The following CAMK2D variants were observed in gnomAD, a reference collection of about 807,000 sequenced individuals.
CAMK2D encodes calcium/calmodulin-dependent protein kinase type II subunit delta.
A neutral mutation model predicts 84.0 loss-of-function variants in CAMK2D; 37 were observed. The observed-to-expected ratio is 0.44, with a 90% CI of 0.34 to 0.58. CAMK2D has a LOEUF of 0.58. CAMK2D is among the 20% of genes least tolerant of loss of function. CAMK2D has a pLI of 0.02. For missense variants in CAMK2D, 448 were observed against 652.5 expected, an observed-to-expected ratio of 0.69 and a Z score of 3.41; for synonymous variants, 202 against 212.5, an observed-to-expected ratio of 0.95 and a Z score of 0.43.
At position 113,592,497 on chromosome 4, in the gene CAMK2D, G is replaced by A. The variant is rs181959830; in HGVS notation, c.275+16655C>T. Among the ~76,000 whole-genome samples the A allele has an allele frequency of 1.5e-3, 234 of 152,274 alleles. 2 individuals are homozygous for A. Among genetic ancestry groups the A allele is most frequent in the South Asian group, 0.015 (73 of 4,828 alleles). ...ACTTAAGAAGGCACCAATTTAATAAGCATCCATGATTTTACATTTAATTAA... is the reference window on the plus strand; with the variant it reads ...ACTTAAGAAGGCACCAATTTAATAAACATCCATGATTTTACATTTAATTAA... On this transcript the variant is annotated intron_variant, in intron 4 of 20. Coordinates refer to ENST00000511664, the MANE Select transcript of CAMK2D (RefSeq NM_001321571.2).
At chr4:113,735,661 CA>C (rs932535398) in intron 2 of CAMK2D, among the ~76,000 whole-genome samples, 1 of 151,942 alleles carries the variant, frequency 6.6e-6, no homozygotes, top group African/African-American at 2.4e-5. Context: ...AAATGATGTT[CA>C]AAAAATTAAA....
At chr4:113,563,546 C>T (rs908757938) in intron 4 of CAMK2D, among the ~76,000 whole-genome samples, 1 of 152,154 alleles carries the variant, frequency 6.6e-6, no homozygotes, top group Non-Finnish European at 1.5e-5. Context: ...TTGCTGGACC[C>T]TAAGAAGGAA....
intron 3 of CAMK2D, among the ~76,000 whole-genome samples, chr4:113,645,010 TTTTTTG>T (rs748944936): frequency 2.4e-4 from 36 of 152,080 alleles, no homozygotes; most frequent in Admixed American, 2.6e-4. Flanking sequence ...GTTGTTGTTG[TTTTTTG>T]TTTTTGTTTT....
At chr4:113,759,288 A>C (rs765719574) in intron 2 of CAMK2D, 32 bp downstream of exon 2, 7 of 1,354,782 alleles carry the variant, frequency 5.2e-6, no homozygotes, top group Admixed American at 3.4e-5. Flanking sequence ...CAAATACAAA[A>C]TTAACCAATA....
chr4:113,456,513 TCC>T (rs34225475), intron 19 of CAMK2D: 1 of 20,756 alleles, frequency 4.8e-5, no homozygotes. Flanking sequence ...GCTTGGACTA[TCC>T]ATCCTCCTTT....
chr4:113,634,856 G>A (rs898736943), intron 3 of CAMK2D, among the ~76,000 whole-genome samples: 10 of 152,106 alleles, frequency 6.6e-5, no homozygotes, highest in African/African-American at 2.4e-4. Context: ...AGAATACAGA[G>A]GTACCAAGGA....
chr4:113,753,958 A>C (rs946594315), intron 2 of CAMK2D: 1 of 979,056 alleles, frequency 1.0e-6, no homozygotes, highest in Non-Finnish European at 1.2e-6. Flanking sequence ...AATGCCATTC[A>C]TGTCTTCTAT....
chr4:113,721,948 C>T (rs2099531779), intron 2 of CAMK2D, among the ~76,000 whole-genome samples: 1 of 152,130 alleles, frequency 6.6e-6, no homozygotes, highest in Admixed American at 6.6e-5. Context: ...GCCTTTTCTC[C>T]CCACTGCCTT....
chr4:113,527,633 A>T (rs780180702), intron 8 of CAMK2D, among the ~76,000 whole-genome samples: 1 of 152,184 alleles, frequency 6.6e-6, no homozygotes, highest in Non-Finnish European at 1.5e-5. Context: ...GCACAGCCAG[A>T]GAAGAATCCC....
At chr4:113,704,893 G>T (rs1311501629) in intron 2 of CAMK2D, among the ~76,000 whole-genome samples, 1 of 151,570 alleles carries the variant, frequency 6.6e-6, no homozygotes, top group Non-Finnish European at 1.5e-5. Context: ...AATAAAGTAA[G>T]AATTGTCAAA....
At chr4:113,684,045 G>T (rs1007461160) in intron 2 of CAMK2D, among the ~76,000 whole-genome samples, 9 of 152,122 alleles carry the variant, frequency 5.9e-5, no homozygotes, top group African/African-American at 1.7e-4. Flanking sequence ...ATTGTTGAGA[G>T]ATTTATATAT....
intron 8 of CAMK2D, among the ~76,000 whole-genome samples, chr4:113,520,301 G>C (rs771682726): frequency 6.6e-6 from 1 of 151,970 alleles, no homozygotes; most frequent in Non-Finnish European, 1.5e-5. Flanking sequence ...TCAGCTACTC[G>C]GGAGGCTGAG....
Position 113,460,224 on chromosome 4 carries a change from C to G in CAMK2D, c.1229G>C (p.Gly410Ala). ...AGCTTCAGGTTCAAAAGCAGTAAGG[C>G]CTGGGTCACAGATTTTTCTGTAAAA... is the stretch of plus-strand genomic sequence containing the variant. ...FEAYTKICDPGLTAFEPEALG... is the reference protein window; with the variant it reads ...FEAYTKICDPALTAFEPEALG... Residue 410 changes from glycine to alanine, a missense_variant, in exon 18 of 21, where the codon GGC (glycine) becomes GCC (alanine). Gly to Ala is a moderately conservative substitution (Grantham distance 60). This residue lies in a region of CAMK2D where 219 missense variants were observed against 272.1 expected (regional missense o/e 0.80). Coordinates refer to ENST00000511664, the MANE Select transcript of CAMK2D (RefSeq NM_001321571.2). The G allele has an allele frequency of 6.3e-7, 1 of 1,595,430 alleles. No homozygotes were observed. Among genetic ancestry groups the G allele is most frequent in the South Asian group, 1.1e-5 (1 of 88,986 alleles).
intron 2 of CAMK2D, among the ~76,000 whole-genome samples, chr4:113,709,368 T>C (rs1175039617): frequency 1.3e-5 from 2 of 152,048 alleles, no homozygotes; most frequent in East Asian, 3.9e-4. Flanking sequence ...CACTGAATTA[T>C]ATCAGGACCA....
At chr4:113,544,948 C>T (rs2098556062) in intron 6 of CAMK2D, among the ~76,000 whole-genome samples, 1 of 152,132 alleles carries the variant, frequency 6.6e-6, no homozygotes, top group Admixed American at 6.5e-5. Context: ...CCTGTTGTAC[C>T]TCAGTCTTGA....
At position 113,462,921 on chromosome 4, in the gene CAMK2D, A is replaced by G. The variant is rs184478809; in HGVS notation, c.1211+2608T>C. Among the ~76,000 whole-genome samples, 41 of 152,308 alleles carry G rather than the reference A, an allele frequency of 2.7e-4. 1 individual carries two copies. Among genetic ancestry groups the G allele is most frequent in the African/African-American group, 9.9e-4 (41 of 41,578 alleles). On this transcript the variant is annotated intron_variant, in intron 17 of 20. Coordinates refer to ENST00000511664, the MANE Select transcript of CAMK2D (RefSeq NM_001321571.2). ...AATCATATGTATCTAACAAGGATATAACAGCAACAAGAATTTTTAAAAAGC... is the reference window on the plus strand; with the variant it reads ...AATCATATGTATCTAACAAGGATATGACAGCAACAAGAATTTTTAAAAAGC...
At chr4:113,642,650 TAA>T (rs2099136850) in intron 3 of CAMK2D, among the ~76,000 whole-genome samples, 1 of 152,222 alleles carries the variant, frequency 6.6e-6, no homozygotes, top group Non-Finnish European at 1.5e-5. Flanking sequence ...TTCTTTTCCA[TAA>T]AGAGATGGCA....
chr4:113,527,802 A>G (rs973658963), intron 8 of CAMK2D, among the ~76,000 whole-genome samples: 13 of 152,166 alleles, frequency 8.5e-5, no homozygotes, highest in Non-Finnish European at 1.9e-4. Context: ...ATGGGGTATA[A>G]TATGATGTTT....
intron 8 of CAMK2D, among the ~76,000 whole-genome samples, chr4:113,530,738 C>T (rs371245507): frequency 2.8e-4 from 42 of 152,220 alleles, no homozygotes; most frequent in African/African-American, 8.7e-4. Context: ...CACCAGACAC[C>T]GAATCTCCTG....
Sources: allele counts gnomAD v4.1 joint callset (sites outside exome capture counted in the v4.1 genomes callset), GRCh38; gene constraint gnomAD v4.1.1; regional missense constraint gnomAD v4.1.1; transcripts MANE v1.5; gene names NCBI Gene and HGNC (gene_info 2026-07-23, HGNC 2026-07-21).